The following PEX14 variants were observed in gnomAD, a reference collection of about 807,000 sequenced individuals.
PEX14 encodes peroxisomal membrane protein PEX14.
In PEX14, 15 loss-of-function variants were observed where a neutral mutation model predicts 49.5. The observed-to-expected ratio is 0.30, with a 90% CI of 0.20 to 0.47. The LOEUF (loss-of-function observed/expected upper bound fraction) is 0.47, where lower values mean the gene tolerates loss of function less well. Ranked by LOEUF, PEX14 falls within the 20% of genes least tolerant of loss-of-function variation. The pLI, the probability that PEX14 is intolerant of heterozygous loss-of-function variation, is 1.00. For synonymous variants in PEX14, 210 were observed against 212.7 expected (o/e 0.99, Z 0.11); for missense variants, 398 against 494.8 (o/e 0.80, Z 1.86).
chr1:10,493,410 G>A (rs1486829929), intron 1 of PEX14, among the ~76,000 whole-genome samples: 1 of 152,102 alleles, frequency 6.6e-6, no homozygotes, highest in Non-Finnish European at 1.5e-5. Flanking sequence ...GGAGAAAAAC[G>A]GATGGATTGT....
intron 3 of PEX14, among the ~76,000 whole-genome samples, chr1:10,547,569 T>A (rs922930009): frequency 3.9e-5 from 6 of 152,172 alleles, no homozygotes; most frequent in African/African-American, 1.4e-4. Context: ...CTTGCATACC[T>A]TTGGTAAAGT....
intron 1 of PEX14, among the ~76,000 whole-genome samples, chr1:10,479,853 TGG>T (rs1641254319): frequency 6.6e-6 from 1 of 152,112 alleles, no homozygotes; most frequent in Non-Finnish European, 1.5e-5. Context: ...CCCTTAAAGC[TGG>T]GTGTGGTGGT....
At chr1:10,526,623 G>T (rs960982250) in intron 2 of PEX14, among the ~76,000 whole-genome samples, 1 of 152,116 alleles carries the variant, frequency 6.6e-6, no homozygotes, top group African/African-American at 2.4e-5. Flanking sequence ...AAATGCTTGG[G>T]ACCAAAAGTG....
chr1:10,520,153 T>TTTTTTTGTTTTTTTTTG (rs1553185426), intron 2 of PEX14, among the ~76,000 whole-genome samples: 2 of 91,914 alleles, frequency 2.2e-5, no homozygotes, highest in Admixed American at 2.4e-4. Flanking sequence ...TTCTTCTTTT[T>TTTTTTTGTTTTTTTTTG]TTTTTTTTTG....
intron 3 of PEX14, among the ~76,000 whole-genome samples, chr1:10,548,539 T>C (rs4846230): frequency 0.73 from 110,648 of 152,090 alleles, 41,377 homozygotes; most frequent in Non-Finnish European, 0.82. Flanking sequence ...TCAACACTTT[T>C]GAGCTGATGT....
At chr1:10,488,635 G>T (rs1029752346) in intron 1 of PEX14, among the ~76,000 whole-genome samples, 24 of 151,932 alleles carry the variant, frequency 1.6e-4, no homozygotes, top group Non-Finnish European at 3.2e-4. Flanking sequence ...GAGTAGCTGG[G>T]ACTACAGGTG....
chr1:10,487,481 C>CTTTTTTTTTTTTTTTTTTTT (rs33968565), intron 1 of PEX14, among the ~76,000 whole-genome samples: 1 of 86,756 alleles, frequency 1.2e-5, no homozygotes, highest in African/African-American at 4.4e-5. Context: ...TTCTTTCTTT[C>CTTTTTTTTTTTTTTTTTTTT]TTTTTTTTTT....
intron 3 of PEX14, among the ~76,000 whole-genome samples, chr1:10,588,023 G>C (rs1640551917): frequency 6.8e-6 from 1 of 147,518 alleles, no homozygotes; most frequent in East Asian, 2.0e-4. Context: ...AGGAGTTCAA[G>C]ACCAGCCTGG....
chr1:10,553,596 G>T (rs902329438), intron 3 of PEX14, among the ~76,000 whole-genome samples: 4 of 151,812 alleles, frequency 2.6e-5, no homozygotes, highest in African/African-American at 9.7e-5. Flanking sequence ...ATCTGGAAAT[G>T]ATTTCTCAGG....
chr1:10,501,981 A>G (rs1370374890), intron 2 of PEX14, among the ~76,000 whole-genome samples: 2 of 152,020 alleles, frequency 1.3e-5, no homozygotes, highest in East Asian at 1.9e-4. Flanking sequence ...TACTAGCAAC[A>G]TATTCATCAG....
At chr1:10,509,639 C>G (rs1641849510) in intron 2 of PEX14, among the ~76,000 whole-genome samples, 1 of 152,142 alleles carries the variant, frequency 6.6e-6, no homozygotes, top group Non-Finnish European at 1.5e-5. Context: ...ACTGGCAGAG[C>G]TAATGCCGGC....
At chr1:10,476,737 C>T (rs11121574) in intron 1 of PEX14, among the ~76,000 whole-genome samples, 8,611 of 152,096 alleles carry the variant, frequency 0.057, 838 homozygotes, top group African/African-American at 0.2. Context: ...GTGATCTGCC[C>T]GCCTCAGCCT....
rs1238733367 is a variant in PEX14 at position 10,599,347 on chromosome 1, C to T, written c.279C>T (p.His93=). The T allele has an allele frequency of 6.2e-7, 1 of 1,614,070 alleles. No homozygotes were observed. Among genetic ancestry groups the T allele is most frequent in the African/African-American group, 1.3e-5 (1 of 74,912 alleles). The change falls in exon 4 of 9, where the codon CAC becomes CAT. Residue 93 remains histidine (H), a synonymous_variant. Transcript: ENST00000356607. ...ATQVVPVQPP[H]LISQPYSPAG... is the part of the protein sequence containing the mutation. ...AGGTGGTTCCTGTCCAGCCCCCTCA[C>T]CTCATATCTCAGCCATACAGTAAGT...
At chr1:10,509,992 G>A (rs1229506692) in intron 2 of PEX14, among the ~76,000 whole-genome samples, 1 of 152,104 alleles carries the variant, frequency 6.6e-6, no homozygotes, top group Non-Finnish European at 1.5e-5. Context: ...ATAATTGGTA[G>A]CTCCATCACT....
chr1:10,514,683 G>A lies in PEX14; in HGVS notation c.84+19362G>A, dbSNP rs1018046900. Among the ~76,000 whole-genome samples, 1 of 152,134 alleles carries A rather than the reference G, an allele frequency of 6.6e-6. No individual in the cohort carries two copies. The highest frequency in any genetic ancestry group is 2.4e-5 in the African/African-American group (1 of 41,412). ...GGAAACTGGATTTCAAAAGAAAGAA[G>A]TTTTTCTGCTTGAGTTGGAGGTGTT... is the stretch of plus-strand genomic sequence containing the variant. On this transcript the variant is annotated intron_variant, in intron 2 of 8. Transcript: ENST00000356607. The surrounding 1 kb of genome is among the most constrained non-coding windows in gnomAD (Gnocchi z 4.4).
At chr1:10,617,967 C>G (rs1250155100) in intron 4 of PEX14, among the ~76,000 whole-genome samples, 1 of 152,194 alleles carries the variant, frequency 6.6e-6, no homozygotes, top group Non-Finnish European at 1.5e-5. Context: ...CTCCCCTAAA[C>G]ATACTCCTGT....
At chr1:10,589,070 G>A (rs1216082168) in intron 3 of PEX14, among the ~76,000 whole-genome samples, 1 of 152,142 alleles carries the variant, frequency 6.6e-6, no homozygotes, top group Non-Finnish European at 1.5e-5. Flanking sequence ...ATTTTATACA[G>A]TGCAAATATT....
intron 3 of PEX14, among the ~76,000 whole-genome samples, chr1:10,575,082 A>T (rs1640083571): frequency 6.6e-6 from 1 of 152,038 alleles, no homozygotes; most frequent in African/African-American, 2.4e-5. Flanking sequence ...AATAAAAAAA[A>T]AAAAGGAAGA....
At chr1:10,491,146 C>T (rs142604252) in intron 1 of PEX14, among the ~76,000 whole-genome samples, 6,093 of 151,504 alleles carry the variant, frequency 0.04, 427 homozygotes, top group African/African-American at 0.14. Flanking sequence ...GGATTACAGG[C>T]GTGAGCTACT....
Sources: allele counts gnomAD v4.1 joint callset (sites outside exome capture counted in the v4.1 genomes callset), GRCh38; gene constraint gnomAD v4.1.1; non-coding constraint Gnocchi (gnomAD v3.1); transcripts MANE v1.5; gene names NCBI Gene and HGNC (gene_info 2026-07-23, HGNC 2026-07-21).